Variants in ARSG observed in about 807,000 individuals in gnomAD.
ARSG encodes the protein ASG.
Under a neutral mutation model 50.5 loss-of-function variants are expected in ARSG, and 37 were observed. The observed-to-expected ratio is 0.73, with a 90% CI of 0.56 to 0.96. The LOEUF is 0.96. Ranked by LOEUF, ARSG falls within the 50% of genes least tolerant of loss-of-function variation. The pLI is 0.00. For missense variants in ARSG, 629 were observed against 675.3 expected (o/e 0.93, Z 0.76); for synonymous variants, 225 against 254.6 (o/e 0.88, Z 1.11).
At chr17:68,363,628 C>A (rs895711930) in intron 6 of ARSG, among the ~76,000 whole-genome samples, 12 of 151,930 alleles carry the variant, frequency 7.9e-5, no homozygotes, top group African/African-American at 2.9e-4. Flanking sequence ...CCACCATGCC[C>A]AGCTAATTTT....
chr17:68,345,970 G>A (rs560320787), intron 3 of ARSG, among the ~76,000 whole-genome samples: 1 of 152,166 alleles, frequency 6.6e-6, no homozygotes, highest in East Asian at 1.9e-4. Context: ...CCACCTCCCG[G>A]GTTCAAGTGA....
At chr17:68,343,432 C>T (rs1440714400) in intron 2 of ARSG, among the ~76,000 whole-genome samples, 172 bp from the exon 3 acceptor site, 1 of 152,200 alleles carries the variant, frequency 6.6e-6, no homozygotes, top group East Asian at 1.9e-4. Flanking sequence ...GTTGGGATTA[C>T]AGGGGTGAGC....
chr17:68,261,900 C>T lies in ARSG; in HGVS notation c.-552+2474C>T, dbSNP rs150427312. 2.0e-3 allele frequency among the ~76,000 whole-genome samples: 300 copies of T among 152,194 alleles called. 4 individuals carry two copies. Among genetic ancestry groups the T allele is most frequent in the Middle Eastern group, 0.014 (4 of 294 alleles). On this transcript the variant is annotated intron_variant, in intron 1 of 11. Transcript: ENST00000448504. ...GGGCGTGGTGGCTCACACCTGTAAT[C>T]CCAGCACTTTGGGAGGCTGAAGCAG...
intron 1 of ARSG, among the ~76,000 whole-genome samples, chr17:68,301,010 C>T (rs183564537): frequency 0.015 from 2,341 of 151,084 alleles, 58 homozygotes; most frequent in African/African-American, 0.054. Flanking sequence ...CCCAGCTACT[C>T]GGGAGGCTGA....
chr17:68,420,428 C>A lies in ARSG; in HGVS notation c.1543C>A (p.Pro515Thr). The A allele has an allele frequency of 6.2e-7, 1 of 1,614,176 alleles. No individual in the cohort carries two copies. The highest frequency in any genetic ancestry group is 8.5e-7 in the Non-Finnish European group (1 of 1,180,018). ...QDPSVTPCCN[P>T]YQIACRCQAA is the part of the protein sequence containing the mutation. ...CCCTTCAGTAACTCCCTGCTGTAAT[C>A]CCTACCAAATTGCCTGCCGCTGTCA... The change falls in exon 12 of 12, where the codon CCC (proline) becomes ACC (threonine). Residue 515 changes from proline (P) to threonine (T), a missense_variant. Coordinates refer to ENST00000621439, the MANE Select transcript of ARSG (RefSeq NM_001267727.2).
chr17:68,363,779 G>A (rs368121403), intron 6 of ARSG, among the ~76,000 whole-genome samples: 2 of 152,042 alleles, frequency 1.3e-5, no homozygotes, highest in African/African-American at 4.8e-5. Context: ...GCCCTAGTAC[G>A]TTTCTAAATA....
chr17:68,350,203 G>C (rs1055333542), intron 4 of ARSG, among the ~76,000 whole-genome samples: 1 of 152,170 alleles, frequency 6.6e-6, no homozygotes, highest in Non-Finnish European at 1.5e-5. Context: ...CAAAGCATGA[G>C]GCTCACAGGG....
intron 2 of ARSG, among the ~76,000 whole-genome samples, chr17:68,335,502 C>T (rs529338149): frequency 3.5e-4 from 52 of 149,204 alleles, no homozygotes; most frequent in Middle Eastern, 3.5e-3. Context: ...TGCAGTGAGC[C>T]GAGATCATGC....
rs1482855375 is a variant in ARSG, at chr17:68,356,759, C to T, written c.659C>T (p.Ala220Val). The change falls in exon 6 of 12, where the codon GCC becomes GTC. Residue 220 changes from alanine to valine, a missense_variant. By Grantham distance (64) the Ala-to-Val change is moderately conservative (BLOSUM62 0). Coordinates refer to ENST00000621439, the MANE Select transcript of ARSG (RefSeq NM_001267727.2). ...VEQPVNLSSL[A>V]QKYAEKATQF... ...CAGCCGGTGAACTTGAGCAGCCTTG[C>T]CCAGAAGTATGCTGAGAAAGCAACC... is the stretch of plus-strand genomic sequence containing the variant. The T allele has an allele frequency of 1.5e-5, 25 of 1,614,170 alleles. No homozygotes were observed. Among genetic ancestry groups the T allele is most frequent in the Non-Finnish European group, 2.0e-5 (24 of 1,180,030 alleles).
At chr17:68,430,524 G>A in the ARSG span, among the ~76,000 whole-genome samples, 2 of 152,132 alleles carry the variant, frequency 1.3e-5, no homozygotes, top group Non-Finnish European at 2.9e-5. Context: ...AATAAGCTTG[G>A]GACTGTGCCG....
chr17:68,426,253 G>GGGGGGGGGT, downstream of ARSG: 5 of 841,016 alleles, frequency 5.9e-6, 1 homozygote, highest in East Asian at 6.8e-5. Flanking sequence ...GGGGAGCGGG[G>GGGGGGGGGT]GCTCAAATAA....
At chr17:68,423,658 G>A (rs1322075306), downstream of ARSG, among the ~76,000 whole-genome samples, 2 of 152,150 alleles carry the variant, frequency 1.3e-5, no homozygotes, top group Non-Finnish European at 2.9e-5. This position sits in a 1 kb window ranked among gnomAD's most constrained non-coding sequence, Gnocchi z 4.4. Context: ...CTCATGCCCA[G>A]CTTCCTGGCA....
At chr17:68,323,667 A>G (rs1398895852) in intron 2 of ARSG, among the ~76,000 whole-genome samples, 1 of 152,178 alleles carries the variant, frequency 6.6e-6, no homozygotes, top group Non-Finnish European at 1.5e-5. Context: ...CACACTGGGG[A>G]TTCGGGTTTC....
At chr17:68,300,491 A>G (rs994816171) in intron 1 of ARSG, among the ~76,000 whole-genome samples, 1 of 152,244 alleles carries the variant, frequency 6.6e-6, no homozygotes, top group Non-Finnish European at 1.5e-5. Flanking sequence ...AGCGAATTTC[A>G]GACATTGACC....
At chr17:68,315,161 A>G (rs1259399835) in intron 2 of ARSG, among the ~76,000 whole-genome samples, 2 of 152,236 alleles carry the variant, frequency 1.3e-5, no homozygotes, top group East Asian at 3.8e-4. Context: ...TCCTCATTCT[A>G]GAGCCTTATT....
intron 11 of ARSG, among the ~76,000 whole-genome samples, chr17:68,403,347 C>T (rs984719201): frequency 6.6e-6 from 1 of 152,194 alleles, no homozygotes; most frequent in Non-Finnish European, 1.5e-5. Flanking sequence ...TAAATGATCA[C>T]AATCAGATAG....
At chr17:68,303,164 G>A (rs1555762557) in intron 1 of ARSG, among the ~76,000 whole-genome samples, 1 of 152,110 alleles carries the variant, frequency 6.6e-6, no homozygotes, top group African/African-American at 2.4e-5. Context: ...TTGCTCTGTT[G>A]CCCAGGCTGG....
chr17:68,299,865 T>C (rs2076348619), intron 1 of ARSG, among the ~76,000 whole-genome samples: 2 of 152,134 alleles, frequency 1.3e-5, no homozygotes, highest in South Asian at 2.1e-4. Flanking sequence ...ATTGTAGTTA[T>C]ATAGTAAGAA....
intron 2 of ARSG, 108 bp from the exon 3 acceptor site, chr17:68,343,496 C>T: frequency 8.8e-7 from 1 of 1,135,052 alleles, no homozygotes; most frequent in East Asian, 2.5e-5. Context: ...ACTGGGTGAT[C>T]TTTGATCTTT....
Sources: allele counts gnomAD v4.1 joint callset (sites outside exome capture counted in the v4.1 genomes callset), GRCh38; gene constraint gnomAD v4.1.1; non-coding constraint Gnocchi (gnomAD v3.1); transcripts MANE v1.5; gene names NCBI Gene and HGNC (gene_info 2026-07-23, HGNC 2026-07-21).